The following GALNT13 variants were observed in gnomAD, a reference collection of about 807,000 sequenced individuals.
The protein encoded by GALNT13 is UDP-GalNAc:polypeptide N-acetylgalactosaminyltransferase 13.
GALNT13 carries 28 observed loss-of-function variants against 64.2 expected under a neutral mutation model. The ratio of observed to expected loss-of-function variants is 0.44; its 90% CI spans 0.32 to 0.60. GALNT13 has a LOEUF of 0.60. Ranked by LOEUF, GALNT13 falls within the 20% of genes least tolerant of loss-of-function variation. The pLI is 0.05. For synonymous variants in GALNT13, 214 were observed against 224.6 expected (o/e 0.95, Z 0.42); for missense variants, 577 against 669.8 (o/e 0.86, Z 1.53).
intron 3 of GALNT13, among the ~76,000 whole-genome samples, chr2:153,988,073 T>TACACAC (rs70981691): frequency 6.8e-6 from 1 of 146,062 alleles, no homozygotes; most frequent in Admixed American, 6.8e-5. Context: ...TATATATATA[T>TACACAC]ACACACACAC....
chr2:153,784,115 C>A, the GALNT13 span, among the ~76,000 whole-genome samples: 1 of 152,126 alleles, frequency 6.6e-6, no homozygotes, highest in Non-Finnish European at 1.5e-5. Context: ...AAGTTTTGAA[C>A]TTCTTACAGA....
the GALNT13 span, among the ~76,000 whole-genome samples, chr2:153,837,275 T>C: frequency 1.3e-5 from 2 of 152,226 alleles, no homozygotes; most frequent in African/African-American, 4.8e-5. Flanking sequence ...TGAGCATTTT[T>C]TCATGTGTCT....
At chr2:153,322,454 G>A in the GALNT13 span, among the ~76,000 whole-genome samples, 1 of 151,946 alleles carries the variant, frequency 6.6e-6, no homozygotes, top group Admixed American at 6.6e-5. Context: ...TCGTTATTGT[G>A]AATAATGCTT....
the GALNT13 span, among the ~76,000 whole-genome samples, chr2:153,624,966 T>C: frequency 0.2 from 29,703 of 151,936 alleles, 3,098 homozygotes; most frequent in African/African-American, 0.25. Flanking sequence ...TTGTGATTTG[T>C]TGCATTTGAG....
intron 9 of GALNT13, among the ~76,000 whole-genome samples, chr2:154,377,699 A>G (rs1156870540): frequency 2.0e-5 from 3 of 152,186 alleles, no homozygotes; most frequent in Admixed American, 6.6e-5. Context: ...TGTCCCAGGC[A>G]TTCCTCTAGG....
At chr2:153,399,230 T>C in the GALNT13 span, among the ~76,000 whole-genome samples, 1 of 150,892 alleles carries the variant, frequency 6.6e-6, no homozygotes, top group Non-Finnish European at 1.5e-5. Context: ...GATCAGATAG[T>C]TGTAGATATG....
At chr2:154,126,558 C>G (rs1682279535) in intron 3 of GALNT13, among the ~76,000 whole-genome samples, 2 of 151,550 alleles carry the variant, frequency 1.3e-5, no homozygotes, top group African/African-American at 2.4e-5. Flanking sequence ...TGGCGTGAAC[C>G]CGGGAGGCGG....
At chr2:154,377,379 T>G (rs1171123381) in intron 9 of GALNT13, among the ~76,000 whole-genome samples, 1 of 152,116 alleles carries the variant, frequency 6.6e-6, no homozygotes, top group Non-Finnish European at 1.5e-5. Context: ...GAAAATTTCT[T>G]GGCATTTACA....
the GALNT13 span, among the ~76,000 whole-genome samples, chr2:153,687,774 C>T: frequency 3.3e-5 from 5 of 151,898 alleles, no homozygotes; most frequent in African/African-American, 1.2e-4. Flanking sequence ...ATTGACGAAG[C>T]CTTCTGTCAG....
intron 9 of GALNT13, among the ~76,000 whole-genome samples, chr2:154,385,786 T>C (rs1215793127): frequency 6.6e-6 from 1 of 151,944 alleles, no homozygotes; most frequent in Non-Finnish European, 1.5e-5. Context: ...AATGGTCCAA[T>C]ATGGCTTTCT....
chr2:153,785,219 C>T, the GALNT13 span, among the ~76,000 whole-genome samples: 1 of 152,180 alleles, frequency 6.6e-6, no homozygotes, highest in African/African-American at 2.4e-5. Flanking sequence ...CACAGCTGCT[C>T]TCTAAAAAGT....
At chr2:154,140,003 A>G (rs1385280974) in intron 3 of GALNT13, among the ~76,000 whole-genome samples, 1 of 152,114 alleles carries the variant, frequency 6.6e-6, no homozygotes, top group African/African-American at 2.4e-5. Flanking sequence ...TTTATTTTGC[A>G]TTATTTTGTC....
the GALNT13 span, among the ~76,000 whole-genome samples, chr2:153,760,005 A>T: frequency 6.6e-6 from 1 of 152,004 alleles, no homozygotes; most frequent in Admixed American, 6.6e-5. Context: ...TTTCTTCATG[A>T]TTCAGACTGA....
At chr2:153,575,370 G>C in the GALNT13 span, among the ~76,000 whole-genome samples, 2 of 152,266 alleles carry the variant, frequency 1.3e-5, no homozygotes, top group South Asian at 4.1e-4. Flanking sequence ...ACCACGCCTT[G>C]ACTACTACCT....
At chr2:154,151,077 A>T (rs1683983756) in intron 4 of GALNT13, among the ~76,000 whole-genome samples, 1 of 152,072 alleles carries the variant, frequency 6.6e-6, no homozygotes. Context: ...AGTGCTATAA[A>T]TTTCCCTCTA....
At chr2:153,475,404 G>T in the GALNT13 span, among the ~76,000 whole-genome samples, 8 of 152,268 alleles carry the variant, frequency 5.3e-5, no homozygotes, top group East Asian at 1.2e-3. Context: ...CAATTTCTGG[G>T]GGTGAGAGAA....
At chr2:153,203,484 A>G in the GALNT13 span, among the ~76,000 whole-genome samples, 1 of 152,204 alleles carries the variant, frequency 6.6e-6, no homozygotes, top group South Asian at 2.1e-4. Flanking sequence ...GATTCTTTAC[A>G]GCAACCTTAT....
chr2:154,098,689 G>A (rs577613752), intron 3 of GALNT13, among the ~76,000 whole-genome samples: 43 of 151,844 alleles, frequency 2.8e-4, no homozygotes, highest in African/African-American at 7.5e-4. Context: ...TTGATTTTGC[G>A]TTTGAGATAT....
intron 9 of GALNT13, among the ~76,000 whole-genome samples, chr2:154,339,814 T>C (rs188771454): frequency 1.6e-3 from 244 of 152,246 alleles, no homozygotes; most frequent in Middle Eastern, 0.01. Context: ...TCTCTCTCTG[T>C]ATATGACAGA....
Sources: allele counts gnomAD v4.1 joint callset (sites outside exome capture counted in the v4.1 genomes callset), GRCh38; gene constraint gnomAD v4.1.1; transcripts MANE v1.5; gene names NCBI Gene and HGNC (gene_info 2026-07-23, HGNC 2026-07-21).